AREL1: variants seen among roughly 807,000 people sequenced by gnomAD.
AREL1 encodes apoptosis-resistant E3 ubiquitin protein ligase 1.
In AREL1, 62 loss-of-function variants were observed where a neutral mutation model predicts 99.0. That is an observed-to-expected ratio of 0.63 (90% CI 0.51 to 0.77). The LOEUF (loss-of-function observed/expected upper bound fraction) is 0.77. Ranked by LOEUF, AREL1 falls within the 30% of genes least tolerant of loss-of-function variation. The probability of loss-of-function intolerance (pLI) is 0.00; values close to 1 mark genes in which losing one functional copy is unlikely to be tolerated. For synonymous variants in AREL1, 380 were observed against 376.5 expected (o/e 1.01, Z -0.11); for missense variants, 879 against 1,027.6 (o/e 0.86, Z 1.98).
rs750889105 is a variant in AREL1, at chr14:74,676,340, G to A, written c.652-19C>T. 11 of 1,612,220 alleles carry A rather than the reference G, an allele frequency of 6.8e-6. No individual in the cohort carries two copies. The African/African-American group carries it at 9.4e-5, about 14-fold the overall frequency. On this transcript the variant is annotated intron_variant, in intron 6 of 19. Coordinates refer to ENST00000356357, the MANE Select transcript of AREL1 (RefSeq NM_001039479.2). Reference sequence around the variant, plus strand: ...GGCCGAGCTATAGGAAGGCAACAGAGCATCACTTAACATATAGTATTTTCC... The same window carrying A: ...GGCCGAGCTATAGGAAGGCAACAGAACATCACTTAACATATAGTATTTTCC...
chr14:74,670,308 G>T (rs1047929140), intron 13 of AREL1, among the ~76,000 whole-genome samples, 182 bp from the exon 14 acceptor site: 2 of 152,184 alleles, frequency 1.3e-5, no homozygotes, highest in Non-Finnish European at 2.9e-5. Flanking sequence ...AGAAGATAAA[G>T]GGCAAAGGTG....
intron 4 of AREL1, 105 bp downstream of exon 4, chr14:74,684,349 T>A: frequency 9.8e-7 from 1 of 1,018,140 alleles, no homozygotes; most frequent in Non-Finnish European, 1.5e-6. Flanking sequence ...CTGGAGGGAG[T>A]TGAAAAACAA....
intron 5 of AREL1, among the ~76,000 whole-genome samples, chr14:74,679,382 A>C (rs775112089): frequency 2.6e-5 from 4 of 152,142 alleles, no homozygotes; most frequent in Non-Finnish European, 5.9e-5. Context: ...TGACTATGCT[A>C]CTGCACGCCA....
intron 1 of AREL1, among the ~76,000 whole-genome samples, chr14:74,699,326 C>A (rs1233806418): frequency 6.6e-6 from 1 of 151,324 alleles, no homozygotes; most frequent in African/African-American, 2.4e-5. Flanking sequence ...TCTAAAGTGT[C>A]CCAGTCTAAG....
chr14:74,684,370 T>C (rs2089700138), intron 4 of AREL1, 84 bp downstream of exon 4: 2 of 1,234,190 alleles, frequency 1.6e-6, no homozygotes, highest in South Asian at 1.3e-5. Context: ...GAGAAAATGT[T>C]AACATTCCAG....
In AREL1 at chr14:74,670,853, G is replaced by C; in HGVS notation, c.1517C>G (p.Pro506Arg). Reference sequence around the variant, plus strand: ...GATTAGCTCAAACCATTCCCGGCGAGGCCCTCCCCAGTCCAGAGCTGAAAA... The same window carrying C: ...GATTAGCTCAAACCATTCCCGGCGACGCCCTCCCCAGTCCAGAGCTGAAAA... ...QDEEALDWGG[P>R]RREWFELICK... The change falls in exon 13 of 20, where the codon CCT becomes CGT. Residue 506 changes from proline (P) to arginine (R), a missense_variant. Transcript: ENST00000356357. The C allele has an allele frequency of 1.9e-6, 3 of 1,614,018 alleles. No homozygotes were observed. The highest frequency in any genetic ancestry group is 2.5e-6 in the Non-Finnish European group (3 of 1,179,974).
intron 1 of AREL1, among the ~76,000 whole-genome samples, chr14:74,709,140 T>C (rs2090236899): frequency 6.6e-6 from 1 of 152,204 alleles, no homozygotes. Flanking sequence ...GCTAAAGTCA[T>C]TTAAAAGGTA....
intron 1 of AREL1, among the ~76,000 whole-genome samples, chr14:74,711,179 C>T (rs569685513): frequency 2.7e-5 from 4 of 148,254 alleles, no homozygotes; most frequent in South Asian, 2.1e-4. Context: ...TGCAGTGAGC[C>T]GAGATTGCGC....
chr14:74,669,936 C>T lies in AREL1; in HGVS notation c.1788+11G>A. The T allele has an allele frequency of 4.4e-6, 7 of 1,600,322 alleles. No homozygotes were observed. The highest frequency in any genetic ancestry group is 6.0e-6 in the Non-Finnish European group (7 of 1,172,226). ...GGGGCCTTAGTAGGAAATGCACACC[C>T]AAGATGTTACCTTGTAATGCATACG... is the stretch of plus-strand genomic sequence containing the variant. On this transcript the variant is annotated intron_variant, in intron 14 of 19. Transcript: ENST00000356357.
rs1221013379 is a variant in AREL1 at position 74,672,816 on chromosome 14, T to G, written c.1422+15A>C. ...AAACTTTGGTATCTGCTGACAGAGA[T>G]GAAATTTTACCTACCGATTCCAACA... On this transcript the variant is annotated intron_variant, in intron 11 of 19. Transcript: ENST00000356357. 1.2e-6 allele frequency: 2 copies of G among 1,614,024 alleles called. No homozygotes were observed. The highest frequency in any genetic ancestry group is 4.5e-5 in the East Asian group (2 of 44,892).
chr14:74,704,415 G>A (rs531857695), intron 1 of AREL1, among the ~76,000 whole-genome samples: 1 of 152,170 alleles, frequency 6.6e-6, no homozygotes, highest in Non-Finnish European at 1.5e-5. Context: ...GCTCAGTCCA[G>A]AAAGGCGGGA....
intron 13 of AREL1, 93 bp downstream of exon 13, chr14:74,670,669 C>T: frequency 9.7e-7 from 1 of 1,028,700 alleles, no homozygotes; most frequent in Non-Finnish European, 1.5e-6. Context: ...CACAGGTTGT[C>T]AGGTTCCCAG....
chr14:74,676,077 G>C (rs2089466014), intron 7 of AREL1, 64 bp downstream of exon 7: 1 of 1,572,820 alleles, frequency 6.4e-7, no homozygotes, highest in African/African-American at 1.3e-5. Context: ...TCAGACAAAA[G>C]AGTGCAAACA....
chr14:74,672,920 A>G lies in AREL1; in HGVS notation c.1333T>C (p.Phe445Leu). ...ACCTGCCGAAGCTCTCGCTGGAAAAAGTTCACCTTGTCCTGAAAGGTCTCA... is the reference window on the plus strand; with the variant it reads ...ACCTGCCGAAGCTCTCGCTGGAAAAGGTTCACCTTGTCCTGAAAGGTCTCA... ...GSETFQDKVN[F>L]FQRELRQVHM... Residue 445 changes from phenylalanine (F) to leucine (L), a missense_variant, in exon 11 of 20, where the codon TTT becomes CTT. By Grantham distance (22) the Phe-to-Leu change is conservative. Coordinates refer to ENST00000356357, the MANE Select transcript of AREL1 (RefSeq NM_001039479.2). 6.2e-7 allele frequency: 1 copy of G among 1,614,106 alleles called. No homozygotes were observed.
intron 11 of AREL1, chr14:74,672,063 C>T (rs983277015): frequency 2.9e-5 from 13 of 444,736 alleles, no homozygotes; most frequent in African/African-American, 2.4e-4. Flanking sequence ...GCAGTGGAGA[C>T]AGACACACAT....
At chr14:74,694,990 GAAA>G (rs548884827) in intron 1 of AREL1, among the ~76,000 whole-genome samples, 2 of 82,836 alleles carry the variant, frequency 2.4e-5, no homozygotes, top group African/African-American at 4.5e-5. Context: ...CTCTGTCTCG[GAAA>G]AAAAAAAAAA....
In AREL1 at chr14:74,685,554, C is replaced by G. The variant is rs771562343; in HGVS notation, c.16+46G>C. The G allele has an allele frequency of 3.1e-6, 5 of 1,611,386 alleles. No homozygotes were observed. The South Asian group carries it at 5.5e-5, about 18-fold the overall frequency. Reference sequence around the variant, plus strand: ...GGCAGAAAGGCAAAAAGGACCCAAGCAACCTTTACAAAAATATAATAGAGA... The same window carrying G: ...GGCAGAAAGGCAAAAAGGACCCAAGGAACCTTTACAAAAATATAATAGAGA... On this transcript the variant is annotated intron_variant, in intron 3 of 19. Coordinates refer to ENST00000356357, the MANE Select transcript of AREL1 (RefSeq NM_001039479.2).
rs887163200 is a variant in AREL1 at position 74,664,155 on chromosome 14, T to C, written c.2194-81A>G. The C allele has an allele frequency of 3.4e-6, 5 of 1,477,814 alleles. No individual in the cohort carries two copies. The Admixed American group carries it at 1.1e-4, about 31-fold the overall frequency. 91.5% of individuals were successfully genotyped at this position (1,477,814 alleles called of 1,614,324 possible). On this transcript the variant is annotated intron_variant, in intron 18 of 19. Coordinates refer to ENST00000356357, the MANE Select transcript of AREL1 (RefSeq NM_001039479.2). ...TCCCTGGGGAAGGAACAAGATACAC[T>C]AAAGTGGGGCTGTGCCCCAGTTACC...
chr14:74,670,007 G>A lies in AREL1; in HGVS notation c.1728C>T (p.Val576=). 2.5e-6 allele frequency: 4 copies of A among 1,614,050 alleles called. No homozygotes were observed. Among genetic ancestry groups the A allele is most frequent in the Non-Finnish European group, 3.4e-6 (4 of 1,179,962 alleles). The change falls in exon 14 of 20, where the codon GTC becomes GTT. Residue 576 remains valine, a synonymous_variant. Transcript: ENST00000356357. ...GGAAAGAGCGGGTGAAGCGAGCTCG[G>A]ACCAACTGCTTGTAGGCTCCTCCTA... ...SSLGGAYKQL[V]RARFTRSFLA...
Sources: allele counts gnomAD v4.1 joint callset (sites outside exome capture counted in the v4.1 genomes callset), GRCh38; gene constraint gnomAD v4.1.1; transcripts MANE v1.5; gene names NCBI Gene and HGNC (gene_info 2026-07-23, HGNC 2026-07-21).